Variants in DIP2B observed in about 807,000 individuals in gnomAD.
The protein encoded by DIP2B is disco-interacting protein 2 homolog B.
Under a neutral mutation model 198.0 loss-of-function variants are expected in DIP2B, and 76 were observed. The observed-to-expected ratio is 0.38, with a 90% confidence interval of 0.32 to 0.46. DIP2B has a LOEUF of 0.46. DIP2B is among the 20% of genes least tolerant of loss of function. The probability of loss-of-function intolerance (pLI) is 0.99; values close to 1 mark genes in which losing one functional copy is unlikely to be tolerated. For synonymous variants in DIP2B, 701 were observed against 739.1 expected (o/e 0.95, Z 0.84); for missense variants, 1,559 against 1,978.4 (o/e 0.79, Z 4.02).
chr12:50,708,594 G>A, intron 22 of DIP2B, 32 bp downstream of exon 22: 1 of 1,536,076 alleles, frequency 6.5e-7, no homozygotes, highest in South Asian at 1.2e-5. Context: ...TGTCAGGTCA[G>A]CGGTGGCAGC....
At chr12:50,691,269 A>G in intron 13 of DIP2B, 118 bp downstream of exon 13, 1 of 920,460 alleles carries the variant, frequency 1.1e-6, no homozygotes, top group Non-Finnish European at 1.6e-6. Context: ...ATGTCCCAAG[A>G]CACATTCTTG....
chr12:50,643,043 T>TGTGA (rs1555189535), intron 3 of DIP2B, among the ~76,000 whole-genome samples: 2 of 151,800 alleles, frequency 1.3e-5, no homozygotes, highest in African/African-American at 2.4e-5. Flanking sequence ...TGTGTGTGTG[T>TGTGA]GAGTGTGTGT....
At chr12:50,570,638 AG>A in intron 1 of DIP2B, among the ~76,000 whole-genome samples, 1 of 152,368 alleles carries the variant, frequency 6.6e-6, no homozygotes, top group African/African-American at 2.4e-5. Context: ...TGAATCCGGG[AG>A]GCAGAAGTTA....
At chr12:50,589,630 T>G (rs1029021542) in intron 1 of DIP2B, among the ~76,000 whole-genome samples, 10 of 152,060 alleles carry the variant, frequency 6.6e-5, no homozygotes, top group African/African-American at 2.2e-4. Flanking sequence ...GCAAGGATCT[T>G]AAAAAGCTTG....
chr12:50,680,649 G>GT lies in DIP2B; in HGVS notation c.1115-14dup, dbSNP rs530391494. ...CTGTTTTTTTTTCTATATGACTGTT[G>GT]TTTTTTTTTCCTTTTTTTCCAGGAA... On this transcript the variant is annotated intron_variant, in intron 8 of 37. Coordinates refer to ENST00000301180, the MANE Select transcript of DIP2B (RefSeq NM_173602.3). The GT allele has an allele frequency of 1.9e-3, 2,913 of 1,523,170 alleles. 3 individuals are homozygous for GT. The highest frequency in any genetic ancestry group is 3.6e-3 in the South Asian group (308 of 84,968). The allele number at this position is 1,523,170 out of a possible 1,614,324, so 94.4% of individuals were successfully genotyped here.
At chr12:50,516,631 A>T (rs1477111716) in intron 1 of DIP2B, among the ~76,000 whole-genome samples, 1 of 152,132 alleles carries the variant, frequency 6.6e-6, no homozygotes, top group Non-Finnish European at 1.5e-5. Flanking sequence ...TTCAGACCAT[A>T]GTAACTTACC....
At chr12:50,517,091 G>T (rs1234040132) in intron 1 of DIP2B, among the ~76,000 whole-genome samples, 2 of 151,844 alleles carry the variant, frequency 1.3e-5, no homozygotes, top group African/African-American at 4.8e-5. Context: ...TAATTTTTTT[G>T]TATTTTTTTA....
chr12:50,656,840 G>A (rs1178157392), intron 3 of DIP2B: 1 of 152,028 alleles, frequency 6.6e-6, no homozygotes, highest in African/African-American at 2.4e-5. Flanking sequence ...CCAAAGTGCT[G>A]GAATTACAGG....
chr12:50,672,480 C>G (rs576799179), intron 5 of DIP2B, among the ~76,000 whole-genome samples: 3 of 152,276 alleles, frequency 2.0e-5, no homozygotes, highest in Non-Finnish European at 4.4e-5. Flanking sequence ...TAAAAGAGAC[C>G]AGTATTACTT....
intron 3 of DIP2B, among the ~76,000 whole-genome samples, chr12:50,650,924 C>T (rs962940641): frequency 1.3e-5 from 2 of 152,146 alleles, no homozygotes; most frequent in African/African-American, 4.8e-5. Flanking sequence ...ACAATCCCAC[C>T]AGTGGTGCAC....
chr12:50,542,178 G>A (rs994344291), intron 1 of DIP2B, among the ~76,000 whole-genome samples: 6 of 149,348 alleles, frequency 4.0e-5, no homozygotes, highest in Non-Finnish European at 8.9e-5. Flanking sequence ...AACCCGGGAG[G>A]CAGAGCTTGC....
chr12:50,655,717 C>A (rs1209475802), intron 3 of DIP2B, among the ~76,000 whole-genome samples: 1 of 152,208 alleles, frequency 6.6e-6, no homozygotes, highest in Non-Finnish European at 1.5e-5. Flanking sequence ...CAGTGGCTCA[C>A]GCCCATAATC....
chr12:50,508,765 G>A (rs1197411769), intron 1 of DIP2B, among the ~76,000 whole-genome samples: 1 of 151,744 alleles, frequency 6.6e-6, no homozygotes. Context: ...GAGTGAAATG[G>A]TGCGATCTCA....
chr12:50,570,858 G>A (rs1242263474), intron 1 of DIP2B, among the ~76,000 whole-genome samples: 4 of 152,138 alleles, frequency 2.6e-5, no homozygotes, highest in African/African-American at 9.7e-5. Flanking sequence ...TGTGAAACAA[G>A]GTTTTCAGAA....
intron 12 of DIP2B, among the ~76,000 whole-genome samples, chr12:50,689,963 A>G (rs1166227333): frequency 6.6e-6 from 1 of 152,212 alleles, no homozygotes; most frequent in East Asian, 1.9e-4. Context: ...TGATATAACA[A>G]TCAAAAAATT....
intron 4 of DIP2B, among the ~76,000 whole-genome samples, chr12:50,664,061 GCAC>G (rs1005353047): frequency 6.6e-6 from 1 of 152,054 alleles, no homozygotes; most frequent in Non-Finnish European, 1.5e-5. Flanking sequence ...TGTCTTGTAT[GCAC>G]CTGGTTTCTG....
chr12:50,708,596 G>A (rs550342617), intron 22 of DIP2B, 34 bp downstream of exon 22: 7 of 1,531,248 alleles, frequency 4.6e-6, no homozygotes, highest in East Asian at 2.4e-5. Context: ...TCAGGTCAGC[G>A]GTGGCAGCAA....
chr12:50,505,281 G>C, intron 1 of DIP2B, 41 bp downstream of exon 1: 2 of 1,419,638 alleles, frequency 1.4e-6, no homozygotes, highest in South Asian at 1.4e-5. Flanking sequence ...GGGCCCTGCG[G>C]ATCGCGGCGA....
intron 4 of DIP2B, among the ~76,000 whole-genome samples, chr12:50,669,889 T>G (rs1185027171): frequency 6.6e-6 from 1 of 152,202 alleles, no homozygotes; most frequent in East Asian, 1.9e-4. Context: ...ACCTACAGTG[T>G]CACCTGAGTT....
Sources: allele counts gnomAD v4.1 joint callset (sites outside exome capture counted in the v4.1 genomes callset), GRCh38; gene constraint gnomAD v4.1.1; transcripts MANE v1.5; gene names NCBI Gene and HGNC (gene_info 2026-07-23, HGNC 2026-07-21).